KANSL1: variants seen among roughly 807,000 people sequenced by gnomAD.
The protein encoded by KANSL1 is KAT8 regulatory NSL complex subunit 1, also known as MLL1/MLL complex subunit KANSL1.
In KANSL1, 22 loss-of-function variants were observed where a neutral mutation model predicts 103.6. The observed-to-expected ratio is 0.21, with a 90% confidence interval of 0.15 to 0.30. The LOEUF is 0.30. KANSL1 is among the 10% of genes least tolerant of loss of function. The probability of loss-of-function intolerance (pLI) is 1.00; values close to 1 mark genes in which losing one functional copy is unlikely to be tolerated. For missense variants in KANSL1, 1,337 were observed against 1,399.8 expected (o/e 0.96, Z 0.72); for synonymous variants, 600 against 527.6 (o/e 1.14, Z -1.88).
intron 3 of KANSL1, among the ~76,000 whole-genome samples, chr17:46,084,697 T>TTAAAAAA (rs2079099924): frequency 1.3e-5 from 1 of 74,488 alleles, no homozygotes; most frequent in Non-Finnish European, 2.4e-5. Flanking sequence ...TTTTAAAAAT[T>TTAAAAAA]AAAAAAAAAA....
intron 1 of KANSL1, among the ~76,000 whole-genome samples, chr17:46,179,637 G>A (rs1373286776): frequency 6.6e-6 from 1 of 152,216 alleles, no homozygotes; most frequent in Non-Finnish European, 1.5e-5. Flanking sequence ...TTTTAGCTGA[G>A]ACTTGAAAAT....
At chr17:46,112,428 T>C (rs993370736) in intron 2 of KANSL1, among the ~76,000 whole-genome samples, 3 of 142,678 alleles carry the variant, frequency 2.1e-5, no homozygotes, top group Non-Finnish European at 3.0e-5. Flanking sequence ...CTCACGCTTG[T>C]AATCTCAGCC....
chr17:46,051,213 G>T (rs936587427), intron 6 of KANSL1, among the ~76,000 whole-genome samples: 1 of 152,126 alleles, frequency 6.6e-6, no homozygotes, highest in Non-Finnish European at 1.5e-5. Context: ...CTTTCAGGTG[G>T]TCTCAAGCCA....
intron 2 of KANSL1, among the ~76,000 whole-genome samples, chr17:46,131,894 C>T (rs1299544485): frequency 1.3e-5 from 2 of 152,060 alleles, no homozygotes; most frequent in Admixed American, 6.6e-5. Flanking sequence ...TTTGGGAGGC[C>T]GAGGCAGGTG....
intron 2 of KANSL1, among the ~76,000 whole-genome samples, chr17:46,150,706 G>C (rs1157812496): frequency 6.6e-6 from 1 of 152,124 alleles, no homozygotes; most frequent in Admixed American, 6.6e-5. Flanking sequence ...TTATTACCCA[G>C]AGGGCAGCAT....
At chr17:46,127,085 A>G (rs1391105630) in intron 2 of KANSL1, among the ~76,000 whole-genome samples, 3 of 152,232 alleles carry the variant, frequency 2.0e-5, no homozygotes, top group East Asian at 1.9e-4. Flanking sequence ...ATGGAAGCCA[A>G]TAACAATCAT....
In KANSL1 at chr17:46,218,982, C is replaced by T. The variant is rs565553378; in HGVS notation, c.-90+4689G>A. 1.4e-4 allele frequency among the ~76,000 whole-genome samples: 22 copies of T among 151,964 alleles called. No individual in the cohort carries two copies. The East Asian group carries it at 4.1e-3, about 28-fold the overall frequency. On this transcript the variant is annotated intron_variant, in intron 1 of 14. Coordinates refer to the KANSL1 transcript ENST00000572904. The stretch of plus-strand genomic sequence containing the variant: ...ACGGTTAAGAGTGCTGAGATTAGGC[C>T]GGGCACGGTGGCTCATGCCTGTAAT...
At chr17:46,181,506 T>G (rs1253060065) in intron 1 of KANSL1, among the ~76,000 whole-genome samples, 1 of 152,216 alleles carries the variant, frequency 6.6e-6, no homozygotes, top group Non-Finnish European at 1.5e-5. Context: ...CTCCGCTCAC[T>G]GCAACCTCCG....
intron 1 of KANSL1, among the ~76,000 whole-genome samples, chr17:46,177,780 CTTTT>C (rs67765122): frequency 6.8e-6 from 1 of 146,670 alleles, no homozygotes; most frequent in Non-Finnish European, 1.5e-5. Flanking sequence ...CAGTAACATT[CTTTT>C]TTTTTTTTTA....
At chr17:46,126,191 C>T (rs1002598355) in intron 2 of KANSL1, among the ~76,000 whole-genome samples, 5 of 152,186 alleles carry the variant, frequency 3.3e-5, no homozygotes, top group African/African-American at 1.2e-4. Flanking sequence ...AGTGTAATCC[C>T]AGCACTTTGG....
intron 4 of KANSL1, among the ~76,000 whole-genome samples, chr17:46,079,167 A>G (rs1006434252): frequency 6.6e-6 from 1 of 152,222 alleles, no homozygotes. Flanking sequence ...ATGACTCAAA[A>G]AAGGTTCACC....
intron 2 of KANSL1, among the ~76,000 whole-genome samples, chr17:46,106,845 A>G (rs1373935142): frequency 6.6e-6 from 1 of 152,252 alleles, no homozygotes; most frequent in Non-Finnish European, 1.5e-5. Flanking sequence ...ACAAACAAAA[A>G]AGTGAATAAA....
Position 46,171,741 on chromosome 17 carries a change from A to C in KANSL1, c.403T>G (p.Leu135Val), listed in dbSNP as rs1064797226. The C allele has an allele frequency of 1.2e-5, 19 of 1,581,940 alleles. No individual in the cohort carries two copies. The highest frequency in any genetic ancestry group is 1.5e-5 in the Non-Finnish European group (17 of 1,167,082). Residue 135 changes from leucine (L) to valine (V), a missense_variant, in exon 2 of 15, where the codon TTA (leucine) becomes GTA (valine). Around this residue, in one of 2 missense-constraint regions of KANSL1, gnomAD observed 557 missense variants for 476.4 expected, o/e 1.17. Transcript: ENST00000432791. The part of the protein sequence containing the change: ...LGRQPVLEFS[L>V]ENLRTMNTSG... The stretch of plus-strand genomic sequence containing the variant: ...GTATTCATGGTTCTAAGATTTTCTA[A>C]GGAAAACTCCAAAACTGGCTGTCTC...
intron 6 of KANSL1, among the ~76,000 whole-genome samples, chr17:46,064,959 GTTTT>G (rs908656441): frequency 3.0e-4 from 45 of 151,220 alleles, no homozygotes; most frequent in South Asian, 1.9e-3. Flanking sequence ...GTATACGTGT[GTTTT>G]TTTTGTTTGT....
At chr17:46,055,446 CAA>C (rs1406846190) in intron 6 of KANSL1, among the ~76,000 whole-genome samples, 1 of 140,484 alleles carries the variant, frequency 7.1e-6, no homozygotes, top group Non-Finnish European at 1.5e-5. Flanking sequence ...GCCTGGGCGA[CAA>C]GAGCAAAACT....
intron 2 of KANSL1, among the ~76,000 whole-genome samples, chr17:46,150,059 C>G (rs2045003512): frequency 7.0e-6 from 1 of 142,288 alleles, no homozygotes; most frequent in East Asian, 2.0e-4. Flanking sequence ...AAGTCACTTT[C>G]CTTACCAAAA....
At position 46,172,219 on chromosome 17, in the gene KANSL1, C is replaced by T. The variant is rs1039997078; in HGVS notation, c.-76G>A. 2 of 1,333,996 alleles carry T rather than the reference C, an allele frequency of 1.5e-6. No individual in the cohort carries two copies. The highest frequency in any genetic ancestry group is 2.0e-6 in the Non-Finnish European group (2 of 979,908). 82.6% of individuals were successfully genotyped at this position (1,333,996 alleles called of 1,614,324 possible). On this transcript the variant is annotated 5_prime_UTR_variant, in exon 2 of 15. Coordinates refer to ENST00000432791, the MANE Select transcript of KANSL1 (RefSeq NM_015443.4). ...CCAGCTCCACGGCCCCTTACTGCCT[C>T]CCCAGAGAACAGACTAGAAGAGAAA...
chr17:46,038,725 TC>T, intron 9 of KANSL1, 39 bp from the exon 10 acceptor site: 3 of 1,611,614 alleles, frequency 1.9e-6, no homozygotes, highest in Non-Finnish European at 2.5e-6. Context: ...TACATGGCTA[TC>T]TTAACCAGCG....
In KANSL1 at chr17:46,033,551, C is replaced by T. The variant is rs1055577515; in HGVS notation, c.2667-91G>A. On this transcript the variant is annotated intron_variant, in intron 11 of 14. Transcript: ENST00000432791. ...TGTCCATGCAAGGATGAGAATCCTG[C>T]ACCTGTGGGTGACACTGCTCTCTGC... 16 of 1,040,420 alleles carry T rather than the reference C, an allele frequency of 1.5e-5. No homozygotes were observed. In the Admixed American group the frequency reaches 2.8e-4, roughly 18 times the overall value. 64.4% of individuals were successfully genotyped at this position (1,040,420 alleles called of 1,614,324 possible).
Sources: allele counts gnomAD v4.1 joint callset (sites outside exome capture counted in the v4.1 genomes callset), GRCh38; gene constraint gnomAD v4.1.1; regional missense constraint gnomAD v4.1.1; transcripts MANE v1.5; gene names NCBI Gene and HGNC (gene_info 2026-07-23, HGNC 2026-07-21).